GRM3: variants seen among roughly 807,000 people sequenced by gnomAD.
The protein encoded by GRM3 is glutamate metabotropic receptor 3.
A neutral mutation model predicts 70.5 loss-of-function variants in GRM3; 26 were observed. The observed-to-expected ratio is 0.37, with a 90% CI of 0.27 to 0.51. The LOEUF (loss-of-function observed/expected upper bound fraction) is 0.51, where lower values mean the gene tolerates loss of function less well. Among genes scored for constraint, GRM3 ranks in the 20% least tolerant of loss-of-function variants. The pLI is 0.93. For synonymous variants in GRM3, 443 were observed against 434.9 expected, an observed-to-expected ratio of 1.02 and a Z score of -0.23; for missense variants, 859 against 1,123.8, an observed-to-expected ratio of 0.76 and a Z score of 3.37.
intron 3 of GRM3, among the ~76,000 whole-genome samples, chr7:86,815,128 CTGGTGGT>C (rs1448027795): frequency 6.6e-6 from 1 of 151,278 alleles, no homozygotes; most frequent in Non-Finnish European, 1.5e-5. Flanking sequence ...TGGCAGAAAC[CTGGTGGT>C]TAATTTCTTA....
intron 1 of GRM3, among the ~76,000 whole-genome samples, chr7:86,653,355 A>C (rs981668029): frequency 3.3e-5 from 5 of 152,242 alleles, no homozygotes; most frequent in Non-Finnish European, 7.3e-5. Context: ...TAACAATTAC[A>C]TGTAGAATGA....
intron 5 of GRM3, among the ~76,000 whole-genome samples, chr7:86,860,073 A>G (rs1474472765): frequency 6.6e-6 from 1 of 152,214 alleles, no homozygotes; most frequent in Admixed American, 6.6e-5. Context: ...ATTTACCCCA[A>G]GTCCCAGGAA....
intron 1 of GRM3, among the ~76,000 whole-genome samples, chr7:86,721,155 G>A (rs756597432): frequency 5.3e-5 from 8 of 152,024 alleles, no homozygotes; most frequent in Non-Finnish European, 1.2e-4. Flanking sequence ...GTCCTCTCAA[G>A]AATCCCCATT....
intron 1 of GRM3, chr7:86,710,189 T>A (rs1795160731): frequency 6.6e-6 from 1 of 152,082 alleles, no homozygotes; most frequent in Non-Finnish European, 1.5e-5. Context: ...ATAATGCAAA[T>A]ATGACCAATT....
chr7:86,659,954 T>G (rs1793850484), intron 1 of GRM3, among the ~76,000 whole-genome samples: 1 of 151,960 alleles, frequency 6.6e-6, no homozygotes, highest in South Asian at 2.1e-4. Flanking sequence ...AGTCTCAGAT[T>G]CCTTTGTGTA....
chr7:86,706,474 G>T (rs1432938611), intron 1 of GRM3, among the ~76,000 whole-genome samples: 1 of 152,022 alleles, frequency 6.6e-6, no homozygotes, highest in Non-Finnish European at 1.5e-5. Flanking sequence ...AATAGGGGAG[G>T]TCACTTCCAG....
intron 1 of GRM3, among the ~76,000 whole-genome samples, chr7:86,730,204 T>G (rs1584198620): frequency 6.6e-6 from 1 of 152,084 alleles, no homozygotes; most frequent in South Asian, 2.1e-4. Context: ...GCAGATCACT[T>G]GAGGTCAGGA....
rs1273887586 is a variant in GRM3, at chr7:86,811,906, G to A, written c.1324+24790G>A. On this transcript the variant is annotated intron_variant, in intron 3 of 5. Coordinates refer to ENST00000361669, the MANE Select transcript of GRM3 (RefSeq NM_000840.3). Reference sequence around the variant, plus strand: ...AAGCTAGTGTGATATTTCTATCCATGTAATAGAAAGTTTATATAATAGATT... The same window carrying A: ...AAGCTAGTGTGATATTTCTATCCATATAATAGAAAGTTTATATAATAGATT... Among the ~76,000 whole-genome samples the A allele has an allele frequency of 9.3e-5, 14 of 151,274 alleles. No individual in the cohort carries two copies. The Admixed American group carries it at 9.3e-4, about 10-fold the overall frequency.
At chr7:86,701,332 A>AG (rs1794942737) in intron 1 of GRM3, among the ~76,000 whole-genome samples, 1 of 151,898 alleles carries the variant, frequency 6.6e-6, no homozygotes, top group African/African-American at 2.4e-5. Context: ...CAATAAATTT[A>AG]GGGGTCTCAA....
chr7:86,772,223 T>C (rs941509869), intron 2 of GRM3, among the ~76,000 whole-genome samples: 1 of 152,120 alleles, frequency 6.6e-6, no homozygotes, highest in Non-Finnish European at 1.5e-5. Context: ...TGATTACCTA[T>C]GTACAGTTGA....
intron 1 of GRM3, among the ~76,000 whole-genome samples, chr7:86,703,040 C>A (rs906584300): frequency 1.4e-4 from 22 of 151,888 alleles, no homozygotes; most frequent in African/African-American, 5.3e-4. Context: ...TTTGAGGACA[C>A]ATAGTAATGA....
chr7:86,704,177 C>A (rs935567867), intron 1 of GRM3, among the ~76,000 whole-genome samples: 1 of 151,872 alleles, frequency 6.6e-6, no homozygotes, highest in African/African-American at 2.4e-5. Flanking sequence ...CTAAAAAGTA[C>A]TAGCGTTTTT....
chr7:86,753,878 C>T (rs1042395780), intron 1 of GRM3, among the ~76,000 whole-genome samples: 1 of 152,086 alleles, frequency 6.6e-6, no homozygotes, highest in African/African-American at 2.4e-5. Context: ...GTGATGTAAG[C>T]GCTCTCACCA....
chr7:86,797,081 C>T (rs1009140748), intron 3 of GRM3, among the ~76,000 whole-genome samples: 5 of 152,164 alleles, frequency 3.3e-5, no homozygotes, highest in Admixed American at 1.3e-4. Context: ...TACCCAGTCT[C>T]AGGTATGTCT....
At chr7:86,729,124 A>AT (rs994965878) in intron 1 of GRM3, among the ~76,000 whole-genome samples, 36 of 149,860 alleles carry the variant, frequency 2.4e-4, no homozygotes, top group African/African-American at 6.3e-4. Context: ...TTTCAAGCAG[A>AT]TTTTTTTTTT....
chr7:86,766,190 T>C (rs971647769), intron 2 of GRM3, among the ~76,000 whole-genome samples: 5 of 152,050 alleles, frequency 3.3e-5, no homozygotes, highest in African/African-American at 1.2e-4. Flanking sequence ...CAACAGACTA[T>C]CAAGGTAAGA....
intron 1 of GRM3, among the ~76,000 whole-genome samples, chr7:86,743,012 A>G (rs1047105075): frequency 6.6e-6 from 1 of 152,172 alleles, no homozygotes; most frequent in African/African-American, 2.4e-5. Flanking sequence ...ATAAGTATTA[A>G]ATAACTTCCT....
At chr7:86,772,626 T>G (rs1311913798) in intron 2 of GRM3, among the ~76,000 whole-genome samples, 1 of 152,066 alleles carries the variant, frequency 6.6e-6, no homozygotes, top group Admixed American at 6.6e-5. Context: ...TATCTAGCTG[T>G]CTGCAGTCTC....
chr7:86,677,791 A>C (rs183165060), intron 1 of GRM3, among the ~76,000 whole-genome samples: 21 of 152,108 alleles, frequency 1.4e-4, no homozygotes, highest in Middle Eastern at 3.4e-3. Context: ...ATGGCCCGCA[A>C]AGAATGGGAA....
Sources: allele counts gnomAD v4.1 joint callset (sites outside exome capture counted in the v4.1 genomes callset), GRCh38; gene constraint gnomAD v4.1.1; transcripts MANE v1.5; gene names NCBI Gene and HGNC (gene_info 2026-07-23, HGNC 2026-07-21).